The following OR10H5 variants were observed in gnomAD, a reference collection of about 807,000 sequenced individuals.
OR10H5 encodes the protein olfactory receptor family 10 subfamily H member 5, also known as olfactory receptor 10H5.
A neutral mutation model predicts 12.2 loss-of-function variants in OR10H5; 7 were observed. That is an observed-to-expected ratio of 0.57 (90% CI 0.33 to 1.07). The LOEUF is 1.07. Ranked by LOEUF, OR10H5 falls within the 50% of genes least tolerant of loss-of-function variation. The pLI is 0.04. For missense variants in OR10H5, 346 were observed against 411.6 expected, an observed-to-expected ratio of 0.84 and a Z score of 1.38; for synonymous variants, 159 against 175.1, an observed-to-expected ratio of 0.91 and a Z score of 0.73.
At chr19:15,793,269 A>G (rs1354635877) in intron 1 of OR10H5, among the ~76,000 whole-genome samples, 1 of 152,010 alleles carries the variant, frequency 6.6e-6, no homozygotes, top group Non-Finnish European at 1.5e-5. Context: ...ACAGACATGC[A>G]CCACAATGTG....
At chr19:15,787,937 C>G (rs2088790103) in intron 1 of OR10H5, among the ~76,000 whole-genome samples, 1 of 152,178 alleles carries the variant, frequency 6.6e-6, no homozygotes, top group African/African-American at 2.4e-5. Context: ...CACTCCAAGT[C>G]CCCCATAGAG....
intron 1 of OR10H5, among the ~76,000 whole-genome samples, chr19:15,790,733 C>G (rs2088806061): frequency 6.6e-6 from 1 of 152,102 alleles, no homozygotes; most frequent in Non-Finnish European, 1.5e-5. Flanking sequence ...GCTGGGTCCC[C>G]TCCAGCCCAC....
At chr19:15,792,526 C>T (rs971071435) in intron 1 of OR10H5, among the ~76,000 whole-genome samples, 2 of 152,158 alleles carry the variant, frequency 1.3e-5, no homozygotes, top group Admixed American at 6.5e-5. Context: ...AGTGCAGTGG[C>T]GTGATCTCAG....
At chr19:15,792,975 A>T (rs538248872) in intron 1 of OR10H5, among the ~76,000 whole-genome samples, 13 of 103,594 alleles carry the variant, frequency 1.3e-4, no homozygotes, top group African/African-American at 4.9e-4. Flanking sequence ...GTGGCTGAAT[A>T]GAGACCACCG....
In OR10H5 at chr19:15,799,714, A is replaced by G. The variant is rs1449460803; in HGVS notation, c.*4718A>G. 3 of 147,396 alleles carry G rather than the reference A, an allele frequency of 2.0e-5. No individual in the cohort carries two copies. Among genetic ancestry groups the G allele is most frequent in the Non-Finnish European group, 4.5e-5 (3 of 67,186 alleles). 9.1% of individuals were successfully genotyped at this position (147,396 alleles called of 1,614,324 possible). On this transcript the variant is annotated 3_prime_UTR_variant, in exon 2 of 2. Coordinates refer to ENST00000642092, the MANE Select transcript of OR10H5 (RefSeq NM_001004466.2). ...GAATGTCTTTTTTTTTTTTTGAGAGAGAGAGAGAGAGAGAAATAAGATCTC... is the reference window on the plus strand; with the variant it reads ...GAATGTCTTTTTTTTTTTTTGAGAGGGAGAGAGAGAGAGAAATAAGATCTC...
chr19:15,787,703 G>A lies in OR10H5; in HGVS notation c.-25G>A, dbSNP rs928626893. ...GGCCTGGCTGCAAGGCGTCCCTAAAGGTCTCTGATGAAGGTAAGTGGAGTC... is the reference window on the plus strand; with the variant it reads ...GGCCTGGCTGCAAGGCGTCCCTAAAAGTCTCTGATGAAGGTAAGTGGAGTC... On this transcript the variant is annotated 5_prime_UTR_variant, in exon 1 of 2. Transcript: ENST00000642092. The A allele has an allele frequency of 6.6e-6, 1 of 152,490 alleles. No individual in the cohort carries two copies. Among genetic ancestry groups the A allele is most frequent in the Admixed American group, 6.5e-5 (1 of 15,292 alleles). 9.4% of individuals were successfully genotyped at this position (152,490 alleles called of 1,614,324 possible).
In OR10H5 at chr19:15,798,767, T is replaced by C. The variant is rs2088853383; in HGVS notation, c.*3771T>C. On this transcript the variant is annotated 3_prime_UTR_variant, in exon 2 of 2. Coordinates refer to ENST00000642092, the MANE Select transcript of OR10H5 (RefSeq NM_001004466.2). ...TAGAAGGAGCTTTTTTTTTTTTTTT[T>C]TTTTTTTGAGATGGAATCTAGCTCT... is the stretch of plus-strand genomic sequence containing the variant. 6.9e-6 allele frequency: 1 copy of C among 144,928 alleles called. No homozygotes were observed. The highest frequency in any genetic ancestry group is 2.6e-5 in the African/African-American group (1 of 38,658). The allele number at this position is 144,928 out of a possible 1,614,324, so 9.0% of individuals were successfully genotyped here. A position where few individuals can be genotyped will look rare whatever the true frequency, so the allele number is the denominator to read the frequency against.
At chr19:15,791,364 A>T (rs922403255) in intron 1 of OR10H5, among the ~76,000 whole-genome samples, 16 of 152,068 alleles carry the variant, frequency 1.1e-4, no homozygotes, top group African/African-American at 3.1e-4. Flanking sequence ...ACAAACAAAA[A>T]TAAGTAAATA....
rs1234833611 is a variant in OR10H5, at chr19:15,795,895, C to G, written c.*899C>G. Reference sequence around the variant, plus strand: ...GGCTCAAGCAATTCTCCCACCTCAGCCTCCAGAGAAGCTAGCACTGCAGAT... The same window carrying G: ...GGCTCAAGCAATTCTCCCACCTCAGGCTCCAGAGAAGCTAGCACTGCAGAT... On this transcript the variant is annotated 3_prime_UTR_variant, in exon 2 of 2. Coordinates refer to ENST00000642092, the MANE Select transcript of OR10H5 (RefSeq NM_001004466.2). 6.6e-6 allele frequency: 1 copy of G among 152,400 alleles called. No homozygotes were observed. Among genetic ancestry groups the G allele is most frequent in the Non-Finnish European group, 1.5e-5 (1 of 68,226 alleles). The allele number at this position is 152,400 out of a possible 1,614,324, so 9.4% of individuals were successfully genotyped here.
rs147802079 is a variant in OR10H5 at position 15,798,980 on chromosome 19, C to T, written c.*3984C>T. On this transcript the variant is annotated 3_prime_UTR_variant, in exon 2 of 2. Coordinates refer to ENST00000642092, the MANE Select transcript of OR10H5 (RefSeq NM_001004466.2). ...CCATGTTAGCCAGACTGGTCTCGGA[C>T]TCCTGATTTCAGGTGATACTACCAC... is the stretch of plus-strand genomic sequence containing the variant. 1.1e-3 allele frequency: 168 copies of T among 152,238 alleles called. No homozygotes were observed. Among genetic ancestry groups the T allele is most frequent in the African/African-American group, 3.9e-3 (160 of 41,528 alleles). 9.4% of individuals were successfully genotyped at this position (152,238 alleles called of 1,614,324 possible).
chr19:15,792,026 C>CAA (rs11329523), intron 1 of OR10H5, among the ~76,000 whole-genome samples: 1 of 147,576 alleles, frequency 6.8e-6, no homozygotes, highest in African/African-American at 2.5e-5. Flanking sequence ...CACTTGGTCT[C>CAA]AAAAAAAAAA....
chr19:15,794,450 G>A lies in OR10H5; in HGVS notation c.402G>A (p.Val134=). The A allele has an allele frequency of 2.5e-6, 4 of 1,614,252 alleles. No homozygotes were observed. In the South Asian group the frequency reaches 3.3e-5, roughly 13 times the overall value. ...VAICHPLRYN[V]LMSLRGCTCR... Reference sequence around the variant, plus strand: ...TCTGCCACCCCCTGCGTTACAACGTGCTCATGAGCCTGCGGGGCTGCACCT... The same window carrying A: ...TCTGCCACCCCCTGCGTTACAACGTACTCATGAGCCTGCGGGGCTGCACCT... Residue 134 remains valine (V), a synonymous_variant, in exon 2 of 2, where the codon GTG becomes GTA. Coordinates refer to ENST00000642092, the MANE Select transcript of OR10H5 (RefSeq NM_001004466.2).
Position 15,789,577 on chromosome 19 carries a change from A to G in OR10H5, c.-12+1861A>G, listed in dbSNP as rs139404227. ...CAGAAGCCTGAGGTTCTGCGTGTGC[A>G]CCAGTCTGGGGTTCTGCCTGGGAGC... On this transcript the variant is annotated intron_variant, in intron 1 of 1. Transcript: ENST00000642092. Among the ~76,000 whole-genome samples, 837 of 152,040 alleles carry G rather than the reference A, an allele frequency of 5.5e-3. 7 individuals carry two copies. Among genetic ancestry groups the G allele is most frequent in the Non-Finnish European group, 7.7e-3 (522 of 67,988 alleles).
chr19:15,787,918 G>A (rs1351782760), intron 1 of OR10H5, among the ~76,000 whole-genome samples: 1 of 152,156 alleles, frequency 6.6e-6, no homozygotes, highest in Non-Finnish European at 1.5e-5. Flanking sequence ...GGCTGGATCA[G>A]CCTGTCCTCA....
chr19:15,794,254 C>T lies in OR10H5; in HGVS notation c.206C>T (p.Thr69Ile). 2 of 1,614,202 alleles carry T rather than the reference C, an allele frequency of 1.2e-6. No individual in the cohort carries two copies. Among genetic ancestry groups the T allele is most frequent in the Non-Finnish European group, 1.7e-6 (2 of 1,180,036 alleles). ...MYLFLCALSI[T>I]EILYTVAIIP... ...CTCTTCCTGTGTGCCCTCTCCATCA[C>T]CGAGATCCTCTACACCGTGGCCATC... Residue 69 changes from threonine (T) to isoleucine (I), a missense_variant, in exon 2 of 2, where the codon ACC (threonine) becomes ATC (isoleucine). Transcript: ENST00000642092.
Position 15,799,869 on chromosome 19 carries a change from T to A in OR10H5, c.*4873T>A, listed in dbSNP as rs2088859510. 6.6e-6 allele frequency: 1 copy of A among 151,730 alleles called. No individual in the cohort carries two copies. Among genetic ancestry groups the A allele is most frequent in the African/African-American group, 2.4e-5 (1 of 41,294 alleles). The allele number at this position is 151,730 out of a possible 1,614,324, so 9.4% of individuals were successfully genotyped here. ...GGCGTGCCACCATGCCTGGCTAAAT[T>A]TTTTTTGTGTTTTTAGTACAGACAG... is the stretch of plus-strand genomic sequence containing the variant. On this transcript the variant is annotated 3_prime_UTR_variant, in exon 2 of 2. Coordinates refer to ENST00000642092, the MANE Select transcript of OR10H5 (RefSeq NM_001004466.2).
rs754309429 is a variant in OR10H5 at position 15,794,471 on chromosome 19, C to T, written c.423C>T (p.Cys141=). The T allele has an allele frequency of 3.1e-6, 5 of 1,614,272 alleles. No homozygotes were observed. The highest frequency in any genetic ancestry group is 1.7e-5 in the Admixed American group (1 of 60,028). ...ACGTGCTCATGAGCCTGCGGGGCTG[C>T]ACCTGCCGGGTGGGCTGCTCCTGGG... The part of the protein sequence containing the change: ...RYNVLMSLRG[C]TCRVGCSWAG... Residue 141 remains cysteine, a synonymous_variant, in exon 2 of 2, where the codon TGC becomes TGT. Transcript: ENST00000642092.
At position 15,799,300 on chromosome 19, in the gene OR10H5, G is replaced by A. The variant is rs1430190250; in HGVS notation, c.*4304G>A. The A allele has an allele frequency of 6.6e-6, 1 of 151,916 alleles. No homozygotes were observed. Among genetic ancestry groups the A allele is most frequent in the East Asian group, 1.9e-4 (1 of 5,192 alleles). 9.4% of individuals were successfully genotyped at this position (151,916 alleles called of 1,614,324 possible). A position where few individuals can be genotyped will look rare whatever the true frequency, so the allele number is the denominator to read the frequency against. On this transcript the variant is annotated 3_prime_UTR_variant, in exon 2 of 2. Transcript: ENST00000642092. ...ACTCTTTTTTTTTTCTTCAGAGATT[G>A]GGGCATGAAATCTTCCATTCCTCTT...
chr19:15,794,052 C>A lies in OR10H5; in HGVS notation c.4C>A (p.Gln2Lys), dbSNP rs2088822407. 1.2e-6 allele frequency: 2 copies of A among 1,610,576 alleles called. No homozygotes were observed. The highest frequency in any genetic ancestry group is 1.7e-6 in the Non-Finnish European group (2 of 1,177,688). The stretch of plus-strand genomic sequence containing the variant: ...CCACCAACTAGGGGTGGCCGCCATG[C>A]AGGGGCTAAACCACACCTCCGTGTC... M[Q>K]GLNHTSVSEF... Residue 2 changes from glutamine to lysine, a missense_variant, in exon 2 of 2, where the codon CAG (glutamine) becomes AAG (lysine). Physicochemically the swap from Gln to Lys is moderately conservative, Grantham distance 53. Transcript: ENST00000642092.
Sources: gnomAD v4.1 joint callset for allele counts (sites outside exome capture counted in the v4.1 genomes callset) on GRCh38, gnomAD v4.1.1 for gene constraint, MANE v1.5 for transcripts, NCBI Gene and HGNC (gene_info 2026-07-23, HGNC 2026-07-21) for gene names.